DCK: variants seen among roughly 807,000 people sequenced by gnomAD.
DCK encodes deoxyadenosine kinase.
Under a neutral mutation model 38.3 loss-of-function variants are expected in DCK, and 23 were observed. The ratio of observed to expected loss-of-function variants is 0.60; its 90% CI spans 0.43 to 0.85. The LOEUF is 0.85. Among genes scored for constraint, DCK ranks in the 40% least tolerant of loss-of-function variants. The pLI is 0.00. For synonymous variants in DCK, 108 were observed against 100.6 expected (o/e 1.07, Z -0.44); for missense variants, 259 against 304.4 (o/e 0.85, Z 1.11).
chr4:71,022,712 C>A (rs372877214), intron 3 of DCK, 152 bp downstream of exon 3: 11 of 450,720 alleles, frequency 2.4e-5, no homozygotes, highest in African/African-American at 1.8e-4. Context: ...CCTCAGCAGT[C>A]TGGTACTAAT....
chr4:71,007,986 CAG>C (rs1739991335), intron 2 of DCK, among the ~76,000 whole-genome samples: 6 of 152,188 alleles, frequency 3.9e-5, no homozygotes, highest in Admixed American at 3.9e-4. Flanking sequence ...CTCAGCCTCC[CAG>C]AGTGTTGGGA....
At chr4:71,010,870 T>A (rs951555149) in intron 2 of DCK, among the ~76,000 whole-genome samples, 1 of 151,752 alleles carries the variant, frequency 6.6e-6, no homozygotes, top group African/African-American at 2.4e-5. Context: ...CTAGTAATTG[T>A]GATAAAGAAG....
Position 70,998,137 on chromosome 4 carries a change from T to C in DCK, c.162T>C (p.Pro54=). The change falls in exon 2 of 7, where the codon CCT becomes CCC. Residue 54 remains proline, a synonymous_variant. Coordinates refer to ENST00000286648, the MANE Select transcript of DCK (RefSeq NM_000788.3). The stretch of plus-strand genomic sequence containing the variant: ...AAGATTGGGAAGTGGTTCCTGAACC[T>C]GTTGCCAGATGGTGCAATGTTCAAA... ...LCEDWEVVPE[P]VARWCNVQST... 2 of 1,607,740 alleles carry C rather than the reference T, an allele frequency of 1.2e-6. No homozygotes were observed. The highest frequency in any genetic ancestry group is 1.7e-6 in the Non-Finnish European group (2 of 1,175,724).
At chr4:71,004,531 TG>T (rs1220313439) in intron 2 of DCK, among the ~76,000 whole-genome samples, 7 of 152,196 alleles carry the variant, frequency 4.6e-5, no homozygotes, top group African/African-American at 7.2e-5. Context: ...CAGGCAGGAT[TG>T]TTTAAGTCTG....
chr4:71,025,567 G>A (rs1740526894), intron 4 of DCK, among the ~76,000 whole-genome samples: 1 of 151,958 alleles, frequency 6.6e-6, no homozygotes, highest in Admixed American at 6.6e-5. Context: ...ATCAAACTTA[G>A]TATATTTCAT....
rs1739599855 is a variant in DCK, at chr4:70,993,904, A to G, written c.69A>G (p.Lys23=). The G allele has an allele frequency of 6.2e-7, 1 of 1,613,728 alleles. No individual in the cohort carries two copies. The highest frequency in any genetic ancestry group is 1.3e-5 in the African/African-American group (1 of 74,914). The change falls in exon 1 of 7, where the codon AAA becomes AAG. Residue 23 remains lysine, a synonymous_variant. Coordinates refer to ENST00000286648, the MANE Select transcript of DCK (RefSeq NM_000788.3). ...SASSEGTRIK[K]ISIEGNIAAG... is the part of the protein sequence containing the mutation. ...GCTCTGAGGGGACCCGCATCAAGAA[A>G]ATCTCCATCGAAGGGAACATCGGTA...
chr4:70,996,884 A>G lies in DCK; in HGVS notation c.92-1183A>G, dbSNP rs140781351. ...ATTAGGAATTCTGTTAGTTTCCATG[A>G]CTTTTTAAAGTATTAACATCAGTGT... On this transcript the variant is annotated intron_variant, in intron 1 of 6. Transcript: ENST00000286648. Among the ~76,000 whole-genome samples, 18 of 152,258 alleles carry G rather than the reference A, an allele frequency of 1.2e-4. No individual in the cohort carries two copies. In the East Asian group the frequency reaches 3.1e-3, roughly 26 times the overall value.
intron 1 of DCK, among the ~76,000 whole-genome samples, chr4:70,996,713 G>A (rs1739668209): frequency 6.6e-6 from 1 of 152,122 alleles, no homozygotes; most frequent in South Asian, 2.1e-4. Context: ...TTACTTGGTC[G>A]TTTTAGTTTT....
intron 2 of DCK, among the ~76,000 whole-genome samples, chr4:71,006,081 G>A (rs1317519044): frequency 2.3e-5 from 3 of 132,130 alleles, no homozygotes; most frequent in Non-Finnish European, 4.6e-5. Flanking sequence ...AGCCGAGATC[G>A]CGCCATTGCA....
intron 2 of DCK, among the ~76,000 whole-genome samples, chr4:71,021,173 T>C (rs895746138): frequency 6.6e-6 from 1 of 151,040 alleles, no homozygotes; most frequent in Admixed American, 6.6e-5. Context: ...CTTCCCGGGT[T>C]CACGCCATTC....
chr4:71,030,404 A>G lies in DCK; in HGVS notation c.*1026A>G, dbSNP rs751153146. ...TTATGTATTTTAAAATAAGGGGAAG[A>G]GTCATTTTCACTTTTAAACTACTAT... is the stretch of plus-strand genomic sequence containing the variant. On this transcript the variant is annotated 3_prime_UTR_variant, in exon 7 of 7. Transcript: ENST00000286648. 3 of 152,128 alleles carry G rather than the reference A, an allele frequency of 2.0e-5. No homozygotes were observed. Among genetic ancestry groups the G allele is most frequent in the African/African-American group, 7.2e-5 (3 of 41,446 alleles). The allele number at this position is 152,128 out of a possible 1,614,324, so 9.4% of individuals were successfully genotyped here.
chr4:70,993,986 T>G, intron 1 of DCK, 60 bp downstream of exon 1: 2 of 1,195,174 alleles, frequency 1.7e-6, no homozygotes, highest in Non-Finnish European at 2.5e-6. Flanking sequence ...TGGCTGAAGC[T>G]TCCCTTCGCC....
chr4:71,022,668 C>T, intron 3 of DCK, 108 bp downstream of exon 3: 2 of 579,084 alleles, frequency 3.5e-6, no homozygotes, highest in Non-Finnish European at 5.3e-6. Flanking sequence ...AATGGCTGAG[C>T]TGGGGATTTA....
chr4:70,999,543 G>T (rs1257354026), intron 2 of DCK, among the ~76,000 whole-genome samples: 2 of 152,184 alleles, frequency 1.3e-5, no homozygotes, highest in African/African-American at 4.8e-5. Context: ...ACCCAGTAAT[G>T]GGATGGCTGG....
intron 6 of DCK, chr4:71,028,678 C>T: frequency 2.2e-6 from 1 of 446,276 alleles, no homozygotes; most frequent in Non-Finnish European, 4.5e-6. Context: ...TCACTGCCAT[C>T]TCCACCTCCC....
At chr4:70,994,764 A>G (rs961902714) in intron 1 of DCK, among the ~76,000 whole-genome samples, 9 of 152,166 alleles carry the variant, frequency 5.9e-5, no homozygotes, top group Non-Finnish European at 1.2e-4. Flanking sequence ...GGAGTTCCTC[A>G]CCCCTTACTC....
In DCK at chr4:71,029,395, A is replaced by C; in HGVS notation, c.*17A>C. ...ACTTTGTGATCTTGCTGAAGACTAC[A>C]GGCAGCCAAATGGTTCCAGATACTT... On this transcript the variant is annotated 3_prime_UTR_variant, in exon 7 of 7. Coordinates refer to ENST00000286648, the MANE Select transcript of DCK (RefSeq NM_000788.3). The C allele has an allele frequency of 6.3e-7, 1 of 1,598,342 alleles. No individual in the cohort carries two copies.
At chr4:71,024,968 G>C (rs1296513531) in intron 4 of DCK, among the ~76,000 whole-genome samples, 1 of 151,958 alleles carries the variant, frequency 6.6e-6, no homozygotes, top group African/African-American at 2.4e-5. Context: ...TATTGTTTCT[G>C]ATATCTTTGG....
chr4:71,011,471 C>A (rs1389802000), intron 2 of DCK, among the ~76,000 whole-genome samples: 1 of 152,128 alleles, frequency 6.6e-6, no homozygotes, highest in African/African-American at 2.4e-5. Context: ...ATCCTCCCAC[C>A]TCAGCCTCCT....
Sources: gnomAD v4.1 joint callset for allele counts (sites outside exome capture counted in the v4.1 genomes callset) on GRCh38, gnomAD v4.1.1 for gene constraint, MANE v1.5 for transcripts, NCBI Gene and HGNC (gene_info 2026-07-23, HGNC 2026-07-21) for gene names.